The following SUMF1 variants were observed in gnomAD, a reference collection of about 807,000 sequenced individuals.
SUMF1 encodes sulfatase modifying factor 1.
SUMF1 carries 48 observed loss-of-function variants against 47.6 expected under a neutral mutation model. The observed-to-expected ratio is 1.01, with a 90% CI of 0.80 to 1.28. The LOEUF (loss-of-function observed/expected upper bound fraction) is 1.28, where lower values mean the gene tolerates loss of function less well. Ranked by LOEUF, SUMF1 falls within the 50% of genes most tolerant of loss-of-function variation. The pLI is 0.00. For synonymous variants in SUMF1, 230 were observed against 192.1 expected (o/e 1.20, Z -1.63); for missense variants, 571 against 485.4 (o/e 1.18, Z -1.66).
chr3:4,371,747 G>A (rs1687898), intron 8 of SUMF1, among the ~76,000 whole-genome samples: 140,844 of 152,228 alleles, frequency 0.93, 65,557 homozygotes, highest in Non-Finnish European at 0.98. Context: ...AATCCTCTCA[G>A]CAATCCTATG....
chr3:4,410,178 C>CCA (rs1426977834), intron 7 of SUMF1, among the ~76,000 whole-genome samples: 1 of 152,224 alleles, frequency 6.6e-6, no homozygotes, highest in Non-Finnish European at 1.5e-5. Context: ...GAAGCACTTT[C>CCA]CACACACATG....
intron 8 of SUMF1, among the ~76,000 whole-genome samples, chr3:4,284,665 C>T (rs1187975294): frequency 6.6e-6 from 1 of 151,892 alleles, no homozygotes; most frequent in Non-Finnish European, 1.5e-5. Flanking sequence ...GCTGGCTCTT[C>T]CTAGGCAGTC....
chr3:4,408,886 C>T (rs1179147758), intron 7 of SUMF1, among the ~76,000 whole-genome samples: 8 of 151,918 alleles, frequency 5.3e-5, no homozygotes, highest in South Asian at 2.1e-4. Context: ...CGATTGAACA[C>T]GGGAGGCAGA....
intron 7 of SUMF1, among the ~76,000 whole-genome samples, chr3:4,388,752 C>T (rs1291034236): frequency 6.6e-6 from 1 of 151,908 alleles, no homozygotes; most frequent in Non-Finnish European, 1.5e-5. Context: ...TTAGTGGCTG[C>T]TAAAAGGTGT....
Position 4,458,330 on chromosome 3 carries a change from G to A in SUMF1, c.271-5281C>T, listed in dbSNP as rs993216363. On this transcript the variant is annotated intron_variant, in intron 1 of 8. Transcript: ENST00000272902. ...TGGAAAACAATATGGAGGTTCCTCA[G>A]AAATCTGCAAACAGAATTACCATAT... is the stretch of plus-strand genomic sequence containing the variant. Among the ~76,000 whole-genome samples the A allele has an allele frequency of 7.8e-4, 119 of 152,120 alleles. 2 individuals carry two copies. The highest frequency in any genetic ancestry group is 2.8e-3 in the African/African-American group (116 of 41,428).
intron 8 of SUMF1, among the ~76,000 whole-genome samples, chr3:4,297,463 G>C (rs167463): frequency 6.6e-6 from 1 of 151,844 alleles, no homozygotes; most frequent in Non-Finnish European, 1.5e-5. Context: ...GCTGCAGTAC[G>C]GTGGCACAAT....
intron 3 of SUMF1, among the ~76,000 whole-genome samples, chr3:4,438,804 C>T (rs1471170882): frequency 1.3e-5 from 2 of 152,010 alleles, no homozygotes; most frequent in African/African-American, 4.8e-5. Context: ...TTAACAACTT[C>T]CTATAATGGA....
intron 7 of SUMF1, among the ~76,000 whole-genome samples, chr3:4,394,336 T>G (rs1700973323): frequency 6.6e-6 from 1 of 152,056 alleles, no homozygotes; most frequent in South Asian, 2.1e-4. Flanking sequence ...TTTAAATTTT[T>G]GGGTAAAGAC....
intron 8 of SUMF1, among the ~76,000 whole-genome samples, chr3:4,285,088 T>C (rs954261180): frequency 1.3e-5 from 2 of 152,198 alleles, no homozygotes; most frequent in Admixed American, 1.3e-4. Flanking sequence ...GCTGTTCTCC[T>C]GTCTCTAAGC....
chr3:4,450,974 C>T (rs1702949301), intron 2 of SUMF1, among the ~76,000 whole-genome samples: 1 of 151,766 alleles, frequency 6.6e-6, no homozygotes. Flanking sequence ...ATTAAAAAAA[C>T]AGAGCATTTT....
chr3:4,274,929 C>T (rs73117625), intron 8 of SUMF1, among the ~76,000 whole-genome samples: 6,502 of 152,196 alleles, frequency 0.043, 443 homozygotes, highest in African/African-American at 0.14. Flanking sequence ...GGAAGCAGAA[C>T]TGGACAAAGG....
intron 8 of SUMF1, among the ~76,000 whole-genome samples, chr3:4,265,740 C>T (rs1015108059): frequency 7.9e-5 from 12 of 152,244 alleles, no homozygotes; most frequent in African/African-American, 2.9e-4. Flanking sequence ...TTAATTAGAA[C>T]CCATTTGTCA....
At chr3:4,089,137 A>T (rs543334730) in intron 8 of SUMF1, among the ~76,000 whole-genome samples, 2 of 152,238 alleles carry the variant, frequency 1.3e-5, no homozygotes, top group East Asian at 1.9e-4. Context: ...ATTATCCCTC[A>T]TGTATTCTGA....
chr3:4,360,405 G>A (rs9837864), downstream of SUMF1, among the ~76,000 whole-genome samples: 31,300 of 150,980 alleles, frequency 0.21, 3,432 homozygotes, highest in East Asian at 0.39. Context: ...TCGGCTCACT[G>A]CAACCTCCGC....
At chr3:4,148,070 A>C (rs1455791182) in intron 8 of SUMF1, among the ~76,000 whole-genome samples, 1 of 152,186 alleles carries the variant, frequency 6.6e-6, no homozygotes, top group Non-Finnish European at 1.5e-5. Flanking sequence ...GTTTAATCAC[A>C]ATGTTGAATA....
At chr3:4,206,181 A>C (rs1695649125) in intron 8 of SUMF1, among the ~76,000 whole-genome samples, 1 of 151,434 alleles carries the variant, frequency 6.6e-6, no homozygotes, top group African/African-American at 2.4e-5. Context: ...TTCCTCAAGC[A>C]GAAGAAGTCT....
In SUMF1 at chr3:4,144,336, A is replaced by C. The variant is rs191926479; in HGVS notation, c.1015-75591T>G. On this transcript the variant is annotated intron_variant and NMD_transcript_variant, in intron 8 of 12. Transcript: ENST00000448413. ...AAGAATAAGTATGTGGCAGATGAGA[A>C]AAGAGGTGATAGAAATGTATGATTT... Among the ~76,000 whole-genome samples, 158 of 152,184 alleles carry C rather than the reference A, an allele frequency of 1.0e-3. 1 individual carries two copies. Among genetic ancestry groups the C allele is most frequent in the Admixed American group, 6.0e-3 (92 of 15,278 alleles).
At chr3:4,246,046 G>T (rs912756037) in intron 8 of SUMF1, among the ~76,000 whole-genome samples, 1 of 152,198 alleles carries the variant, frequency 6.6e-6, no homozygotes, top group African/African-American at 2.4e-5. Flanking sequence ...AAGGCTCCGT[G>T]GGTGTGGGAA....
At chr3:4,247,217 C>G (rs1483709557) in intron 8 of SUMF1, among the ~76,000 whole-genome samples, 1 of 152,178 alleles carries the variant, frequency 6.6e-6, no homozygotes, top group Non-Finnish European at 1.5e-5. Context: ...AATTAATTCA[C>G]TATGCAACTT....
Sources: gnomAD v4.1 joint callset for allele counts (sites outside exome capture counted in the v4.1 genomes callset) on GRCh38, gnomAD v4.1.1 for gene constraint, MANE v1.5 for transcripts, NCBI Gene and HGNC (gene_info 2026-07-23, HGNC 2026-07-21) for gene names.